The following LILRA4 variants were observed in gnomAD, a reference collection of about 807,000 sequenced individuals.
LILRA4 encodes leukocyte immunoglobulin-like receptor subfamily A member 4.
LILRA4 carries 51 observed loss-of-function variants against 49.5 expected under a neutral mutation model. The observed-to-expected ratio is 1.03, with a 90% CI of 0.82 to 1.30. LILRA4 has a LOEUF of 1.30. LILRA4 is among the 50% of genes most tolerant of loss of function. The pLI is 0.00. For missense variants in LILRA4, 624 were observed against 625.6 expected (o/e 1.00, Z 0.03); for synonymous variants, 272 against 265.6 (o/e 1.02, Z -0.23).
chr19:54,337,217 C>G, intron 5 of LILRA4, 74 bp from the exon 6 acceptor site: 1 of 1,524,920 alleles, frequency 6.6e-7, no homozygotes, highest in Admixed American at 2.0e-5. Context: ...AGTCCTCTCC[C>G]TGGGACCCTC....
chr19:54,336,296 T>C (rs867370844), intron 6 of LILRA4: 7 of 166,640 alleles, frequency 4.2e-5, no homozygotes, highest in Admixed American at 1.7e-4. Flanking sequence ...TAGAATATTA[T>C]ACTGGGTCAG....
In LILRA4 at chr19:54,338,909, A is replaced by G. The variant is rs766792062; in HGVS notation, c.35-8T>C. On this transcript the variant is annotated splice_region_variant and splice_polypyrimidine_tract_variant and intron_variant, in intron 1 of 7. Coordinates refer to ENST00000291759, the MANE Select transcript of LILRA4 (RefSeq NM_012276.5). ...TGGGGCCCAGGCTCAGCCCTGGAAG[A>G]GAGTTCCCTGTGAGAGATTTGCCTC... The G allele has an allele frequency of 6.8e-6, 11 of 1,614,140 alleles. No homozygotes were observed. Among genetic ancestry groups the G allele is most frequent in the Non-Finnish European group, 9.3e-6 (11 of 1,180,000 alleles).
intron 1 of LILRA4, 26 bp downstream of exon 1, chr19:54,339,034 C>G: frequency 1.2e-5 from 20 of 1,611,634 alleles, no homozygotes; most frequent in Non-Finnish European, 1.6e-5. Context: ...AGACTAGGGT[C>G]TCTCCTCCCC....
At position 54,338,411 on chromosome 19, in the gene LILRA4, C is replaced by G; in HGVS notation, c.340G>C (p.Glu114Gln). 4 of 1,613,946 alleles carry G rather than the reference C, an allele frequency of 2.5e-6. No homozygotes were observed. Among genetic ancestry groups the G allele is most frequent in the Non-Finnish European group, 2.5e-6 (3 of 1,179,970 alleles). Residue 114 changes from glutamate (E) to glutamine (Q), a missense_variant, in exon 3 of 8, where the codon GAG becomes CAG. Glu to Gln is a conservative substitution (Grantham distance 29). Transcript: ENST00000291759. The stretch of plus-strand genomic sequence containing the variant: ...GTCCTCTCACCTGTCACCACCAGCT[C>G]CAGGGGGTCGCTGGGCTCTGACCAG... ...AGWSEPSDPL[E>Q]LVVTAYSRPT...
intron 6 of LILRA4, 109 bp from the exon 7 acceptor site, chr19:54,334,074 T>C (rs1190909673): frequency 9.1e-6 from 8 of 875,252 alleles, no homozygotes; most frequent in Admixed American, 8.0e-5. Flanking sequence ...TGTAGATCCT[T>C]AGTGAACACA....
At position 54,338,417 on chromosome 19, in the gene LILRA4, G is replaced by A; in HGVS notation, c.334C>T (p.Pro112Ser). ...SPAGWSEPSD[P>S]LELVVTAYSR... ...TCACCTGTCACCACCAGCTCCAGGG[G>A]GTCGCTGGGCTCTGACCAGCCTGCA... The change falls in exon 3 of 8, where the codon CCC becomes TCC. Residue 112 changes from proline to serine, a missense_variant. Physicochemically the swap from Pro to Ser is moderately conservative, Grantham distance 74. Transcript: ENST00000291759. 1.2e-6 allele frequency: 2 copies of A among 1,614,078 alleles called. No homozygotes were observed. The highest frequency in any genetic ancestry group is 2.2e-5 in the East Asian group (1 of 44,864).
At position 54,339,114 on chromosome 19, in the gene LILRA4, C is replaced by G. The variant is rs1343520329; in HGVS notation, c.-21G>C. ...GTCATGGCATCTCCTCCTCCTGGCCCTGGCTGTGCAGGCAGGTGTGGCCAC... is the reference window on the plus strand; with the variant it reads ...GTCATGGCATCTCCTCCTCCTGGCCGTGGCTGTGCAGGCAGGTGTGGCCAC... On this transcript the variant is annotated 5_prime_UTR_variant, in exon 1 of 8. Coordinates refer to ENST00000291759, the MANE Select transcript of LILRA4 (RefSeq NM_012276.5). 6.2e-7 allele frequency: 1 copy of G among 1,614,184 alleles called. No homozygotes were observed. The highest frequency in any genetic ancestry group is 1.1e-5 in the South Asian group (1 of 91,092).
At chr19:54,334,199 A>G (rs1271315190) in intron 6 of LILRA4, 1 of 537,426 alleles carries the variant, frequency 1.9e-6, no homozygotes, top group Non-Finnish European at 3.3e-6. Flanking sequence ...ACTTGAGCCC[A>G]GGAGCTCAGG....
Position 54,338,195 on chromosome 19 carries a change from C to T in LILRA4, c.396G>A (p.Val132=), listed in dbSNP as rs549369396. 3.0e-5 allele frequency: 48 copies of T among 1,613,902 alleles called. No individual in the cohort carries two copies. The South Asian group carries it at 4.4e-4, about 15-fold the overall frequency. ...GGGTCACGTTCACTCCTGAGGTCAC[C>T]ACAGGGCTTGGCAGTGCGGACAGGG... is the stretch of plus-strand genomic sequence containing the variant. ...RPTLSALPSP[V]VTSGVNVTLR... Residue 132 remains valine (V), a synonymous_variant, in exon 4 of 8, where the codon GTG becomes GTA. Coordinates refer to ENST00000291759, the MANE Select transcript of LILRA4 (RefSeq NM_012276.5).
At chr19:54,334,519 A>G (rs2081302823) in intron 6 of LILRA4, 1 of 152,772 alleles carries the variant, frequency 6.5e-6, no homozygotes, top group Non-Finnish European at 1.5e-5. Flanking sequence ...TAGGAAACCT[A>G]CAATGTGATA....
chr19:54,333,872 C>T, intron 7 of LILRA4, 43 bp downstream of exon 7: 1 of 1,611,740 alleles, frequency 6.2e-7, no homozygotes, highest in South Asian at 1.1e-5. Flanking sequence ...AGGACCTGAC[C>T]CTCTGTGCCC....
rs546172817 is a variant in LILRA4 at position 54,338,006 on chromosome 19, G to A, written c.585C>T (p.Cys195=). The A allele has an allele frequency of 3.5e-5, 56 of 1,613,908 alleles. No individual in the cohort carries two copies. Among genetic ancestry groups the A allele is most frequent in the Non-Finnish European group, 4.5e-5 (53 of 1,179,998 alleles). The change falls in exon 4 of 8, where the codon TGC becomes TGT. Residue 195 remains cysteine, a synonymous_variant. Coordinates refer to ENST00000291759, the MANE Select transcript of LILRA4 (RefSeq NM_012276.5). ...LTFSNRGTFR[C]YGYENNTPYV... Reference sequence around the variant, plus strand: ...ATGGGGTGTTGTTTTCATAGCCGTAGCATCTGAATGTACCCCTGTTGCTGA... The same window carrying A: ...ATGGGGTGTTGTTTTCATAGCCGTAACATCTGAATGTACCCCTGTTGCTGA...
At chr19:54,338,801 G>A in intron 2 of LILRA4, 65 bp downstream of exon 2, 1 of 1,604,566 alleles carries the variant, frequency 6.2e-7, no homozygotes, top group Non-Finnish European at 8.5e-7. Flanking sequence ...ACCCCCAGCT[G>A]CCCAGGGGTG....
chr19:54,333,778 G>A lies in LILRA4; in HGVS notation c.1307-13C>T, dbSNP rs867753823. ...TGGAGGTGTGGGGCTAGGGATGGTG[G>A]ACAAAGAGGTCACAGAGGTCAGGGC... is the stretch of plus-strand genomic sequence containing the variant. On this transcript the variant is annotated splice_polypyrimidine_tract_variant and intron_variant, in intron 7 of 7. Transcript: ENST00000291759. The A allele has an allele frequency of 1.9e-6, 3 of 1,614,040 alleles. No individual in the cohort carries two copies. The highest frequency in any genetic ancestry group is 1.7e-4 in the Middle Eastern group (1 of 6,060).
In LILRA4 at chr19:54,337,665, C is replaced by A; in HGVS notation, c.687G>T (p.Leu229=). The change falls in exon 5 of 8, where the codon CTG becomes CTT. Residue 229 remains leucine, a synonymous_variant. Coordinates refer to ENST00000291759, the MANE Select transcript of LILRA4 (RefSeq NM_012276.5). ...GVSRKPSLLT[L]QGPVVTPGEN... Reference sequence around the variant, plus strand: ...CTCCGGGGGTCACGACAGGGCCCTGCAGGGTCAGGAGGGAGGGCTTCCTAG... The same window carrying A: ...CTCCGGGGGTCACGACAGGGCCCTGAAGGGTCAGGAGGGAGGGCTTCCTAG... 6 of 1,613,182 alleles carry A rather than the reference C, an allele frequency of 3.7e-6. No individual in the cohort carries two copies. The highest frequency in any genetic ancestry group is 5.1e-6 in the Non-Finnish European group (6 of 1,179,722).
chr19:54,337,069 G>T lies in LILRA4; in HGVS notation c.1027C>A (p.Leu343Met). Residue 343 changes from leucine to methionine, a missense_variant, in exon 6 of 8, where the codon CTG becomes ATG. Leu to Met is a conservative substitution (Grantham distance 15, BLOSUM62 2). Coordinates refer to ENST00000291759, the MANE Select transcript of LILRA4 (RefSeq NM_012276.5). Reference sequence around the variant, plus strand: ...AACATCGGGTCCCATGACTGACACAGCAGGGTCACCTTCTCTCCTGAGGTC... The same window carrying T: ...AACATCGGGTCCCATGACTGACACATCAGGGTCACCTTCTCTCCTGAGGTC... ...TVTSGEKVTL[L>M]CQSWDPMFTF... The T allele has an allele frequency of 6.2e-7, 1 of 1,614,102 alleles. No homozygotes were observed. The highest frequency in any genetic ancestry group is 1.1e-5 in the South Asian group (1 of 91,084).
At chr19:54,336,670 T>C (rs2081326092) in intron 6 of LILRA4, 171 bp downstream of exon 6, 2 of 1,047,934 alleles carry the variant, frequency 1.9e-6, no homozygotes, top group Non-Finnish European at 2.7e-6. Context: ...TGAACTCTCC[T>C]GGGGGCAGGG....
intron 6 of LILRA4, chr19:54,335,354 G>T (rs2081312745): frequency 6.5e-6 from 1 of 152,838 alleles, no homozygotes; most frequent in African/African-American, 2.4e-5. Context: ...AGCCATAGAA[G>T]AAGTTCCTGC....
chr19:54,338,192 C>T lies in LILRA4; in HGVS notation c.399G>A (p.Val133=), dbSNP rs12976217. Residue 133 remains valine (V), a synonymous_variant, in exon 4 of 8, where the codon GTG becomes GTA. Coordinates refer to ENST00000291759, the MANE Select transcript of LILRA4 (RefSeq NM_012276.5). ...PTLSALPSPV[V]TSGVNVTLRC... ...GGAGGGTCACGTTCACTCCTGAGGT[C>T]ACCACAGGGCTTGGCAGTGCGGACA... is the stretch of plus-strand genomic sequence containing the variant. 0.36 allele frequency: 583,623 copies of T among 1,613,310 alleles called. 106,976 individuals are homozygous for T. Among genetic ancestry groups the T allele is most frequent in the Admixed American group, 0.47 (28,466 of 59,954 alleles).
Sources: allele counts gnomAD v4.1 joint callset, GRCh38; gene constraint gnomAD v4.1.1; transcripts MANE v1.5; gene names NCBI Gene and HGNC (gene_info 2026-07-23, HGNC 2026-07-21).